ADCY7: variants seen among roughly 807,000 people sequenced by gnomAD.
ADCY7 encodes adenylate cyclase type 7.
Under a neutral mutation model 120.6 loss-of-function variants are expected in ADCY7, and 72 were observed. The observed-to-expected ratio is 0.60, with a 90% confidence interval of 0.49 to 0.73. The LOEUF (loss-of-function observed/expected upper bound fraction) is 0.73. Ranked by LOEUF, ADCY7 falls within the 30% of genes least tolerant of loss-of-function variation. The pLI, the probability that ADCY7 is intolerant of heterozygous loss-of-function variation, is 0.00. For missense variants in ADCY7, 1,227 were observed against 1,486.0 expected, an observed-to-expected ratio of 0.83 and a Z score of 2.87; for synonymous variants, 661 against 628.0, an observed-to-expected ratio of 1.05 and a Z score of -0.78.
At chr16:50,293,324 C>G (rs747789272) in intron 5 of ADCY7, 30 bp from the exon 6 acceptor site, 17 of 1,603,480 alleles carry the variant, frequency 1.1e-5, no homozygotes, top group Non-Finnish European at 1.5e-5. Flanking sequence ...CTTTGCTGGT[C>G]CCTCTGCTGG....
chr16:50,272,295 C>T lies in ADCY7; in HGVS notation c.-269+5615C>T, dbSNP rs183033085. Among the ~76,000 whole-genome samples, 508 of 152,012 alleles carry T rather than the reference C, an allele frequency of 3.3e-3. 1 individual carries two copies. Among genetic ancestry groups the T allele is most frequent in the African/African-American group, 5.5e-3 (230 of 41,478 alleles). On this transcript the variant is annotated intron_variant, in intron 1 of 25. Transcript: ENST00000673801. ...GCCGCTGGACCCAGGGCACCCTGAT[C>T]GGGGTGCTTTGTCTTCCAGGCCCCA...
intron 1 of ADCY7, among the ~76,000 whole-genome samples, chr16:50,268,447 C>T (rs2033354972): frequency 6.6e-6 from 1 of 152,134 alleles, no homozygotes; most frequent in South Asian, 2.1e-4. Flanking sequence ...GTCACCCATG[C>T]TGGAGTGCAG....
chr16:50,308,958 G>T (rs1397378525), intron 17 of ADCY7, 166 bp downstream of exon 17: 1 of 862,184 alleles, frequency 1.2e-6, no homozygotes, highest in Non-Finnish European at 1.6e-6. Flanking sequence ...CTCACCTTTG[G>T]GTTCTCAAAT....
At chr16:50,295,793 A>C (rs1234609496) in intron 7 of ADCY7, among the ~76,000 whole-genome samples, 3 of 152,112 alleles carry the variant, frequency 2.0e-5, no homozygotes, top group Admixed American at 1.3e-4. Context: ...AGAGAGGGTA[A>C]GTGCCAGGCC....
At chr16:50,253,873 C>T (rs2032832940) in intron 1 of ADCY7, among the ~76,000 whole-genome samples, 1 of 152,156 alleles carries the variant, frequency 6.6e-6, no homozygotes, top group African/African-American at 2.4e-5. Context: ...CCTTTGCTTC[C>T]AGCAGGAGGG....
chr16:50,245,410 C>T (rs940316203), upstream of ADCY7, among the ~76,000 whole-genome samples: 2 of 152,208 alleles, frequency 1.3e-5, no homozygotes, highest in Non-Finnish European at 2.9e-5. Flanking sequence ...CCCTCGTAGA[C>T]TTGATTACTC....
chr16:50,292,855 T>A (rs1472386990), intron 5 of ADCY7, 30 bp downstream of exon 5: 1 of 1,607,940 alleles, frequency 6.2e-7, no homozygotes, highest in African/African-American at 1.3e-5. Flanking sequence ...CCTCACCCTG[T>A]ACACCCCTGT....
At chr16:50,304,303 C>T (rs1025206072) in intron 10 of ADCY7, 57 bp from the exon 11 acceptor site, 2 of 1,359,186 alleles carry the variant, frequency 1.5e-6, no homozygotes, top group Middle Eastern at 2.8e-4. Flanking sequence ...ATGGCGGCCC[C>T]TTCCTGGGCC....
chr16:50,317,905 C>CAAAT lies in ADCY7; in HGVS notation c.*2403_*2404insTAAA, dbSNP rs1567591264. ...TTGAGGAAATTTCCTAACAAACAAA[C>CAAAT]AAACAAACAAACAGAAGAGAAGATC... On this transcript the variant is annotated 3_prime_UTR_variant, in exon 26 of 26. Coordinates refer to ENST00000673801, the MANE Select transcript of ADCY7 (RefSeq NM_001114.5). 1 of 151,872 alleles carries CAAAT rather than the reference C, an allele frequency of 6.6e-6. No individual in the cohort carries two copies. The highest frequency in any genetic ancestry group is 1.5e-5 in the Non-Finnish European group (1 of 67,976). The allele number at this position is 151,872 out of a possible 1,614,324, so 9.4% of individuals were successfully genotyped here. A position where few individuals can be genotyped will look rare whatever the true frequency, so the allele number is the denominator to read the frequency against.
At chr16:50,308,261 T>C in intron 15 of ADCY7, 66 bp from the exon 16 acceptor site, 1 of 1,613,570 alleles carries the variant, frequency 6.2e-7, no homozygotes, top group Admixed American at 1.7e-5. Flanking sequence ...AGCCAGAGGA[T>C]TGGTGGGGGC....
At chr16:50,253,971 CTCTGTCTCTCTCTG>C (rs969067973) in intron 1 of ADCY7, among the ~76,000 whole-genome samples, 1 of 152,156 alleles carries the variant, frequency 6.6e-6, no homozygotes, top group African/African-American at 2.4e-5. Context: ...ATCTGTCTGT[CTCTGTCTCTCTCTG>C]TCTGTCTCTC....
chr16:50,257,373 G>A (rs1259423799), intron 1 of ADCY7, among the ~76,000 whole-genome samples: 4 of 152,184 alleles, frequency 2.6e-5, no homozygotes, highest in Non-Finnish European at 5.9e-5. Context: ...CAAAGTTTCA[G>A]TGGAGGAATA....
At chr16:50,311,015 C>G (rs577534619) in intron 19 of ADCY7, 135 bp downstream of exon 19, 2 of 904,286 alleles carry the variant, frequency 2.2e-6, no homozygotes, top group East Asian at 5.3e-5. Flanking sequence ...TGGTGTCCAG[C>G]GCTCAGAGCC....
At chr16:50,304,821 G>A (rs2035956544) in intron 11 of ADCY7, 104 bp from the exon 12 acceptor site, 33 of 1,488,920 alleles carry the variant, frequency 2.2e-5, no homozygotes, top group South Asian at 1.2e-4. Context: ...CCGACACCTT[G>A]TCCTGTGTAT....
chr16:50,293,294 G>A (rs922193827), intron 5 of ADCY7, 60 bp from the exon 6 acceptor site: 25 of 1,582,760 alleles, frequency 1.6e-5, no homozygotes, highest in South Asian at 3.4e-5. Context: ...CCTGTCCCCC[G>A]CTGGTCCCTC....
At chr16:50,305,676 C>T in intron 13 of ADCY7, 90 bp downstream of exon 13, 7 of 1,504,044 alleles carry the variant, frequency 4.7e-6, no homozygotes, top group Non-Finnish European at 6.5e-6. Flanking sequence ...TACCCCATGC[C>T]TGGTGGCCCA....
chr16:50,300,721 G>A lies in ADCY7; in HGVS notation c.1083G>A (p.Val361=), dbSNP rs770367717. Residue 361 remains valine, a synonymous_variant, in exon 9 of 26, where the codon GTG becomes GTA. Transcript: ENST00000673801. ...CTGGGCCACTCTGCCCCAGGCAGGT[G>A]CGGGAGGCCACGGGCGTGGACATCA... ...GLDMCQAIKQ[V]REATGVDINM... is the part of the protein sequence containing the mutation. The A allele has an allele frequency of 3.0e-5, 46 of 1,551,590 alleles. 1 individual carries two copies. In the Middle Eastern group the frequency reaches 5.0e-4, roughly 17 times the overall value.
At chr16:50,295,907 A>G (rs2035322101) in intron 7 of ADCY7, among the ~76,000 whole-genome samples, 1 of 152,196 alleles carries the variant, frequency 6.6e-6, no homozygotes, top group South Asian at 2.1e-4. Flanking sequence ...TCAGGTGATC[A>G]GGGCAGGCTT....
intron 7 of ADCY7, among the ~76,000 whole-genome samples, chr16:50,295,723 G>A (rs998121302): frequency 2.0e-5 from 3 of 152,094 alleles, no homozygotes; most frequent in Admixed American, 6.6e-5. Context: ...AGCTCGACAC[G>A]TGCCAGGCAG....
Sources: gnomAD v4.1 joint callset for allele counts (sites outside exome capture counted in the v4.1 genomes callset) on GRCh38, gnomAD v4.1.1 for gene constraint, MANE v1.5 for transcripts, NCBI Gene and HGNC (gene_info 2026-07-23, HGNC 2026-07-21) for gene names.